Variants in DESI2 observed in about 807,000 individuals in gnomAD.
DESI2 encodes the protein desumoylating isopeptidase 2.
A neutral mutation model predicts 24.1 loss-of-function variants in DESI2; 10 were observed. That is an observed-to-expected ratio of 0.41 (90% confidence interval 0.26 to 0.70). DESI2 has a LOEUF of 0.70. Ranked by LOEUF, DESI2 falls within the 30% of genes least tolerant of loss-of-function variation. The pLI is 0.29. For missense variants in DESI2, 122 were observed against 234.9 expected (o/e 0.52, Z 3.14); for synonymous variants, 71 against 87.7 (o/e 0.81, Z 1.06).
chr1:244,694,400 C>T, intron 4 of DESI2: 2 of 678,470 alleles, frequency 2.9e-6, no homozygotes, highest in Admixed American at 3.6e-5. Context: ...TAAACCGGAA[C>T]ATCTATTGCA....
intron 1 of DESI2, among the ~76,000 whole-genome samples, chr1:244,679,130 C>T (rs1040462050): frequency 3.3e-5 from 5 of 152,132 alleles, no homozygotes; most frequent in Admixed American, 1.3e-4. Context: ...CCTCGACCTC[C>T]TGGGCTCAGG....
At chr1:244,676,312 C>T (rs539794215) in intron 1 of DESI2, among the ~76,000 whole-genome samples, 4 of 151,846 alleles carry the variant, frequency 2.6e-5, no homozygotes, top group South Asian at 2.1e-4. Context: ...TCCTGACCTC[C>T]GTGATCCGCC....
intron 1 of DESI2, among the ~76,000 whole-genome samples, chr1:244,672,360 T>G (rs1676276144): frequency 6.6e-6 from 1 of 152,176 alleles, no homozygotes; most frequent in Non-Finnish European, 1.5e-5. Flanking sequence ...TCTCGCCATG[T>G]GACGTGCCTG....
chr1:244,675,509 G>C (rs541591484), intron 1 of DESI2, among the ~76,000 whole-genome samples: 1 of 152,224 alleles, frequency 6.6e-6, no homozygotes, highest in South Asian at 2.1e-4. Flanking sequence ...ATTTCCAGTT[G>C]TCTCAGTTCT....
chr1:244,682,840 A>C (rs1363550491), intron 1 of DESI2, among the ~76,000 whole-genome samples: 1 of 143,680 alleles, frequency 7.0e-6, no homozygotes, highest in Non-Finnish European at 1.5e-5. Flanking sequence ...AAAAGCATGT[A>C]TATAGTGTGT....
intron 4 of DESI2, among the ~76,000 whole-genome samples, chr1:244,699,374 G>C (rs553042519): frequency 3.2e-4 from 49 of 152,090 alleles, no homozygotes; most frequent in African/African-American, 1.1e-3. Flanking sequence ...ACGAGGTCAA[G>C]AGATCGAGAC....
At chr1:244,678,732 A>G (rs1380287926) in intron 1 of DESI2, among the ~76,000 whole-genome samples, 2 of 152,232 alleles carry the variant, frequency 1.3e-5, no homozygotes, top group Non-Finnish European at 2.9e-5. Flanking sequence ...CATTATGTAT[A>G]CATCTCTTTT....
intron 4 of DESI2, among the ~76,000 whole-genome samples, chr1:244,705,043 A>G (rs1053780050): frequency 6.6e-6 from 1 of 152,100 alleles, no homozygotes; most frequent in African/African-American, 2.4e-5. Flanking sequence ...TGGGTCAGGG[A>G]GAGAAGTAAA....
chr1:244,698,046 CGGGCCAGGGTG>C (rs1178790613), intron 4 of DESI2, among the ~76,000 whole-genome samples: 3 of 152,122 alleles, frequency 2.0e-5, no homozygotes, highest in East Asian at 3.9e-4. Context: ...AGGAAGGTGC[CGGGCCAGGGTG>C]GGGTAGCGGG....
At chr1:244,688,623 G>T (rs2148806970) in intron 2 of DESI2, among the ~76,000 whole-genome samples, 1 of 152,302 alleles carries the variant, frequency 6.6e-6, no homozygotes, top group African/African-American at 2.4e-5. Flanking sequence ...GTTTGTATCT[G>T]ATGTACATTT....
intron 1 of DESI2, among the ~76,000 whole-genome samples, chr1:244,655,803 T>C (rs948002878): frequency 5.3e-5 from 8 of 152,188 alleles, no homozygotes; most frequent in Admixed American, 2.0e-4. Flanking sequence ...TATCAGCTGG[T>C]CCAGTATAAC....
chr1:244,705,768 C>G lies in DESI2; in HGVS notation c.564C>G (p.Pro188=). 6.2e-7 allele frequency: 1 copy of G among 1,611,228 alleles called. No homozygotes were observed. Among genetic ancestry groups the G allele is most frequent in the African/African-American group, 1.3e-5 (1 of 75,034 alleles). The change falls in exon 5 of 5, where the codon CCC becomes CCG. Residue 188 remains proline, a synonymous_variant. Coordinates refer to ENST00000302550, the MANE Select transcript of DESI2 (RefSeq NM_016076.5). The part of the protein sequence containing the change: ...SVASTAAGSR[P]GRHTKL Reference sequence around the variant, plus strand: ...CAAGCACTGCAGCAGGCTCCAGACCCGGGCGCCACACTAAACTATAAATGT... The same window carrying G: ...CAAGCACTGCAGCAGGCTCCAGACCGGGGCGCCACACTAAACTATAAATGT...
intron 4 of DESI2, among the ~76,000 whole-genome samples, chr1:244,697,898 A>C (rs890683076): frequency 1.3e-5 from 2 of 152,206 alleles, no homozygotes; most frequent in Non-Finnish European, 2.9e-5. Context: ...GGAGCAAAGT[A>C]AAAAAGGGCA....
chr1:244,700,865 A>C (rs12408418), intron 4 of DESI2, among the ~76,000 whole-genome samples: 36,694 of 152,104 alleles, frequency 0.24, 4,463 homozygotes, highest in South Asian at 0.33. Flanking sequence ...TGAGTATAGA[A>C]GGTTAAGGTT....
intron 1 of DESI2, among the ~76,000 whole-genome samples, chr1:244,678,709 A>G (rs1364727354): frequency 6.6e-6 from 1 of 152,240 alleles, no homozygotes; most frequent in Non-Finnish European, 1.5e-5. Context: ...CCTTTTGATT[A>G]TTGTAGCCAA....
intron 4 of DESI2, among the ~76,000 whole-genome samples, chr1:244,704,182 C>T (rs925167674): frequency 3.3e-5 from 5 of 152,264 alleles, no homozygotes; most frequent in South Asian, 2.1e-4. Context: ...TAGGTGCCAA[C>T]TTATTAAATT....
chr1:244,672,366 G>T (rs1676276494), intron 1 of DESI2, among the ~76,000 whole-genome samples: 1 of 152,124 alleles, frequency 6.6e-6, no homozygotes, highest in Non-Finnish European at 1.5e-5. Flanking sequence ...CATGTGACGT[G>T]CCTGCTCTCC....
chr1:244,679,862 C>CT (rs1250588885), intron 1 of DESI2, among the ~76,000 whole-genome samples: 1 of 69,546 alleles, frequency 1.4e-5, no homozygotes, highest in Non-Finnish European at 2.5e-5. Context: ...GTGAGAGACT[C>CT]TATCTCAAAA....
intron 1 of DESI2, among the ~76,000 whole-genome samples, chr1:244,657,837 T>C (rs896489602): frequency 6.6e-6 from 1 of 152,212 alleles, no homozygotes; most frequent in African/African-American, 2.4e-5. Flanking sequence ...ACCTCTGTTC[T>C]TTTAATAGAA....
Sources: allele counts gnomAD v4.1 joint callset (sites outside exome capture counted in the v4.1 genomes callset), GRCh38; gene constraint gnomAD v4.1.1; transcripts MANE v1.5; gene names NCBI Gene and HGNC (gene_info 2026-07-23, HGNC 2026-07-21).